PMFBP1: variants seen among roughly 807,000 people sequenced by gnomAD.
PMFBP1 encodes polyamine modulated factor 1 binding protein 1, also known as polyamine-modulated factor 1-binding protein 1.
A neutral mutation model predicts 137.8 loss-of-function variants in PMFBP1; 131 were observed. The ratio of observed to expected loss-of-function variants is 0.95; its 90% CI spans 0.82 to 1.10. The LOEUF (loss-of-function observed/expected upper bound fraction) is 1.10, where lower values mean the gene tolerates loss of function less well. Ranked by LOEUF, PMFBP1 falls within the 50% of genes least tolerant of loss-of-function variation. PMFBP1 has a pLI of 0.00. For missense variants in PMFBP1, 1,199 were observed against 1,175.4 expected, an observed-to-expected ratio of 1.02 and a Z score of -0.29; for synonymous variants, 490 against 450.4, an observed-to-expected ratio of 1.09 and a Z score of -1.11.
intron 14 of PMFBP1, among the ~76,000 whole-genome samples, chr16:72,128,178 G>A (rs2042490001): frequency 6.6e-6 from 1 of 152,196 alleles, no homozygotes; most frequent in Non-Finnish European, 1.5e-5. Context: ...CATGTAAAGA[G>A]CTTAAGTGGA....
the PMFBP1 span, among the ~76,000 whole-genome samples, chr16:72,236,049 G>A: frequency 6.6e-6 from 1 of 152,088 alleles, no homozygotes; most frequent in Non-Finnish European, 1.5e-5. Flanking sequence ...GATGAGAGTA[G>A]ATGTTTTCTC....
At chr16:72,215,014 G>GAC in the PMFBP1 span, among the ~76,000 whole-genome samples, 1 of 152,144 alleles carries the variant, frequency 6.6e-6, no homozygotes, top group South Asian at 2.1e-4. Flanking sequence ...AAAAAGATTA[G>GAC]ACATGGCTGA....
chr16:72,181,557 T>A (rs1240226771), upstream of PMFBP1, among the ~76,000 whole-genome samples: 2 of 152,174 alleles, frequency 1.3e-5, no homozygotes, highest in African/African-American at 2.4e-5. Context: ...CCTTGTGAGA[T>A]TAAAAAATTA....
the PMFBP1 span, among the ~76,000 whole-genome samples, chr16:72,209,012 T>C: frequency 6.6e-6 from 1 of 152,190 alleles, no homozygotes; most frequent in Non-Finnish European, 1.5e-5. Context: ...AGAATCCTAG[T>C]TCCATGTTTC....
chr16:72,132,313 A>G (rs2042561096), intron 10 of PMFBP1, among the ~76,000 whole-genome samples: 1 of 152,226 alleles, frequency 6.6e-6, no homozygotes, highest in Non-Finnish European at 1.5e-5. Flanking sequence ...GTGGAGGGAC[A>G]AGGACATCAT....
At chr16:72,188,082 G>A in the PMFBP1 span, among the ~76,000 whole-genome samples, 1 of 152,184 alleles carries the variant, frequency 6.6e-6, no homozygotes, top group Non-Finnish European at 1.5e-5. Context: ...ACTATAGAAT[G>A]CCGTCAGCCA....
At chr16:72,168,778 C>A (rs2043181437) in intron 2 of PMFBP1, among the ~76,000 whole-genome samples, 1 of 152,144 alleles carries the variant, frequency 6.6e-6, no homozygotes, top group African/African-American at 2.4e-5. Flanking sequence ...AGCTATTAAC[C>A]CACAGGCAAA....
the PMFBP1 span, among the ~76,000 whole-genome samples, chr16:72,212,002 A>T: frequency 2.8e-4 from 43 of 151,790 alleles, no homozygotes; most frequent in Admixed American, 4.6e-4. Flanking sequence ...GTATCAAAAA[A>T]TTTTTTTTTC....
chr16:72,212,976 G>C, the PMFBP1 span, among the ~76,000 whole-genome samples: 2 of 152,188 alleles, frequency 1.3e-5, no homozygotes, highest in African/African-American at 2.4e-5. Context: ...CCAAATGTTA[G>C]GGAATATCAA....
chr16:72,179,205 G>A (rs764018731), upstream of PMFBP1, among the ~76,000 whole-genome samples: 2 of 152,156 alleles, frequency 1.3e-5, no homozygotes, highest in Non-Finnish European at 2.9e-5. Flanking sequence ...AGGGTTAAAT[G>A]CTTTGTGATA....
intron 16 of PMFBP1, 37 bp from the exon 17 acceptor site, chr16:72,124,971 C>T (rs2042432169): frequency 6.2e-7 from 1 of 1,603,558 alleles, no homozygotes; most frequent in East Asian, 2.2e-5. Context: ...GGGACTCCAG[C>T]TGGCCTCCCT....
At chr16:72,195,642 G>T in the PMFBP1 span, among the ~76,000 whole-genome samples, 1 of 152,236 alleles carries the variant, frequency 6.6e-6, no homozygotes, top group Admixed American at 6.5e-5. Flanking sequence ...GTTATCTCCA[G>T]TTTGGGATTG....
the PMFBP1 span, among the ~76,000 whole-genome samples, chr16:72,244,879 C>A: frequency 6.6e-6 from 1 of 152,196 alleles, no homozygotes; most frequent in African/African-American, 2.4e-5. Context: ...AAAACCAGAG[C>A]TGGCCTGAAA....
the PMFBP1 span, among the ~76,000 whole-genome samples, chr16:72,226,543 C>A: frequency 3.9e-5 from 6 of 152,140 alleles, no homozygotes; most frequent in African/African-American, 1.2e-4. Context: ...AGGATACAGA[C>A]ACATTGCCAA....
At chr16:72,152,418 G>A (rs999511129) in intron 4 of PMFBP1, among the ~76,000 whole-genome samples, 1 of 152,158 alleles carries the variant, frequency 6.6e-6, no homozygotes, top group Admixed American at 6.5e-5. Flanking sequence ...CTGTTGCCAT[G>A]TGACTAATTC....
At chr16:72,121,510 G>T (rs1034305724) in intron 19 of PMFBP1, among the ~76,000 whole-genome samples, 1 of 152,238 alleles carries the variant, frequency 6.6e-6, no homozygotes, top group Admixed American at 6.5e-5. Flanking sequence ...CTTTCCACCT[G>T]GGGTGCCACG....
intron 4 of PMFBP1, among the ~76,000 whole-genome samples, 153 bp downstream of exon 4, chr16:72,154,058 A>T (rs3812985): frequency 0.2 from 30,788 of 151,422 alleles, 3,535 homozygotes; most frequent in African/African-American, 0.3. Context: ...CTCAGCTTCA[A>T]AAAGATCAAG....
At chr16:72,240,224 A>G in the PMFBP1 span, among the ~76,000 whole-genome samples, 3 of 152,206 alleles carry the variant, frequency 2.0e-5, no homozygotes, top group Non-Finnish European at 4.4e-5. Context: ...TACAGGAATA[A>G]AAGGAAATGC....
chr16:72,119,377 A>G (rs1280202334), intron 20 of PMFBP1, 23 bp from the exon 21 acceptor site: 6 of 1,613,894 alleles, frequency 3.7e-6, no homozygotes, highest in Non-Finnish European at 5.1e-6. Flanking sequence ...GGAGGAAATG[A>G]GAGTTTTGAT....
Sources: gnomAD v4.1 joint callset for allele counts (sites outside exome capture counted in the v4.1 genomes callset) on GRCh38, gnomAD v4.1.1 for gene constraint, MANE v1.5 for transcripts, NCBI Gene and HGNC (gene_info 2026-07-23, HGNC 2026-07-21) for gene names.